Variants in SH3D19 observed in about 807,000 individuals in gnomAD.
SH3D19 encodes the protein SH3 domain-containing protein 19.
A neutral mutation model predicts 112.1 loss-of-function variants in SH3D19; 58 were observed. That is an observed-to-expected ratio of 0.52 (90% CI 0.42 to 0.64). The LOEUF is 0.64. Among genes scored for constraint, SH3D19 ranks in the 30% least tolerant of loss-of-function variants. The probability of loss-of-function intolerance (pLI) is 0.00; values close to 1 mark genes in which losing one functional copy is unlikely to be tolerated. For synonymous variants in SH3D19, 391 were observed against 448.5 expected (o/e 0.87, Z 1.62); for missense variants, 1,090 against 1,263.4 (o/e 0.86, Z 2.08).
chr4:151,147,290 T>C (rs960872966), intron 11 of SH3D19, among the ~76,000 whole-genome samples: 1 of 152,164 alleles, frequency 6.6e-6, no homozygotes, highest in Non-Finnish European at 1.5e-5. Context: ...AAACAAAAGA[T>C]ATAAACTATA....
chr4:151,291,853 CT>C (rs1272859800), intron 1 of SH3D19, among the ~76,000 whole-genome samples: 1 of 152,136 alleles, frequency 6.6e-6, no homozygotes, highest in Non-Finnish European at 1.5e-5. Flanking sequence ...TATTTCTCAC[CT>C]TCTCTATTAT....
At chr4:151,306,397 G>T (rs540610735) in intron 1 of SH3D19, among the ~76,000 whole-genome samples, 1 of 152,236 alleles carries the variant, frequency 6.6e-6, no homozygotes, top group Admixed American at 6.5e-5. Context: ...CTGCCTTCCA[G>T]GATTGTTAGG....
intron 3 of SH3D19, among the ~76,000 whole-genome samples, chr4:151,185,079 A>C: frequency 7.1e-5 from 6 of 84,928 alleles, no homozygotes; most frequent in Admixed American, 1.6e-4. Flanking sequence ...AACTCTGACC[A>C]TTCCTTTTAA....
At chr4:151,259,892 C>T (rs1047653875) in intron 1 of SH3D19, among the ~76,000 whole-genome samples, 9 of 152,092 alleles carry the variant, frequency 5.9e-5, no homozygotes, top group Non-Finnish European at 8.8e-5. Context: ...TTCCTCAATT[C>T]GAAGCCTCTA....
At chr4:151,123,264 C>T (rs1328249291) in intron 19 of SH3D19, among the ~76,000 whole-genome samples, 8 of 152,224 alleles carry the variant, frequency 5.3e-5, no homozygotes. Flanking sequence ...GGATTCAAAT[C>T]TAGTGCAATT....
chr4:151,136,006 C>T (rs1014264936), intron 14 of SH3D19, among the ~76,000 whole-genome samples: 2 of 152,060 alleles, frequency 1.3e-5, no homozygotes, highest in African/African-American at 4.8e-5. Context: ...CAAAACAAAA[C>T]AAAACAAAAC....
intron 1 of SH3D19, among the ~76,000 whole-genome samples, chr4:151,245,338 G>C (rs779819705): frequency 3.3e-5 from 5 of 151,750 alleles, no homozygotes; most frequent in Non-Finnish European, 5.9e-5. Flanking sequence ...AGGGGAAAAA[G>C]TGAGGAGACA....
At position 151,303,804 on chromosome 4, in the gene SH3D19, C is replaced by G. The variant is rs192543683; in HGVS notation, c.112+21437G>C. ...GAAAAGTAAGCTGCCCATTCAAGGT[C>G]TGAATGAGGGGTTTGAGCCCAGCAC... is the stretch of plus-strand genomic sequence containing the variant. On this transcript the variant is annotated intron_variant, in intron 1 of 19. Coordinates refer to ENST00000604030, the MANE Select transcript of SH3D19 (RefSeq NM_001378122.1). Among the ~76,000 whole-genome samples, 6 of 152,202 alleles carry G rather than the reference C, an allele frequency of 3.9e-5. No individual in the cohort carries two copies. In the South Asian group the frequency reaches 6.2e-4, roughly 16 times the overall value.
At chr4:151,282,976 C>A in intron 1 of SH3D19, 1 of 641,982 alleles carries the variant, frequency 1.6e-6, no homozygotes, top group South Asian at 2.8e-5. Flanking sequence ...CCAAAAGATC[C>A]ACCCATAAGC....
chr4:151,196,087 C>T (rs959055055), intron 2 of SH3D19, among the ~76,000 whole-genome samples: 1 of 152,098 alleles, frequency 6.6e-6, no homozygotes, highest in African/African-American at 2.4e-5. Context: ...TGGCAGGGGA[C>T]ACTGCCTGGC....
At chr4:151,234,740 T>G (rs113305169) in intron 1 of SH3D19, among the ~76,000 whole-genome samples, 53,018 of 74,814 alleles carry the variant, frequency 0.71, 20,495 homozygotes, top group Non-Finnish European at 0.82. Context: ...TTTGTGTTTT[T>G]TTTTTTTTTT....
chr4:151,244,192 A>G (rs1770761176), intron 1 of SH3D19, among the ~76,000 whole-genome samples: 2 of 136,392 alleles, frequency 1.5e-5, no homozygotes, highest in African/African-American at 2.6e-5. Context: ...GAATCTTCCC[A>G]CATCTCAAAC....
In SH3D19 at chr4:151,290,998, C is replaced by T. The variant is rs965296957; in HGVS notation, c.112+34243G>A. 3 of 677,452 alleles carry T rather than the reference C, an allele frequency of 4.4e-6. No individual in the cohort carries two copies. In the African/African-American group the frequency reaches 5.4e-5, roughly 12 times the overall value. 42.0% of individuals were successfully genotyped at this position (677,452 alleles called of 1,614,324 possible). Reference sequence around the variant, plus strand: ...AAGCAGTGATTAGTCCAGCCCCCTGCAGGGTTCCACAGCTCCATGGGTCTC... The same window carrying T: ...AAGCAGTGATTAGTCCAGCCCCCTGTAGGGTTCCACAGCTCCATGGGTCTC... On this transcript the variant is annotated intron_variant, in intron 1 of 19. Transcript: ENST00000604030.
chr4:151,204,958 T>C (rs1764890771), intron 2 of SH3D19, among the ~76,000 whole-genome samples: 1 of 152,020 alleles, frequency 6.6e-6, no homozygotes, highest in Admixed American at 6.6e-5. Flanking sequence ...GTAGCCGGGA[T>C]TACAGGTGCG....
chr4:151,175,027 G>A lies in SH3D19; in HGVS notation c.1177C>T (p.Arg393Ter), dbSNP rs757896312. ...CCCGGAATCTCAGGATTAACACTTC[G>A]TATAAGGCCAGGGTTTGGTTTCTTT... is the stretch of plus-strand genomic sequence containing the variant. The part of the protein sequence containing the change: ...LPKKPNPGLI[R>*]SVNPEIPGRG... Residue 393 changes from arginine to a stop codon, truncating the protein, a stop_gained, in exon 7 of 20, where the codon CGA (arginine) becomes TGA (stop). Transcript: ENST00000604030. LOFTEE classifies it high-confidence loss of function. 7 of 1,614,186 alleles carry A rather than the reference G, an allele frequency of 4.3e-6. No individual in the cohort carries two copies. Among genetic ancestry groups the A allele is most frequent in the Middle Eastern group, 1.6e-4 (1 of 6,062 alleles).
At chr4:151,179,143 A>G (rs1454407163) in intron 4 of SH3D19, among the ~76,000 whole-genome samples, 1 of 152,224 alleles carries the variant, frequency 6.6e-6, no homozygotes, top group Non-Finnish European at 1.5e-5. Flanking sequence ...ATAAATAACT[A>G]TACTCAAAAG....
intron 1 of SH3D19, among the ~76,000 whole-genome samples, chr4:151,247,505 C>A (rs1182664604): frequency 1.3e-5 from 2 of 152,158 alleles, no homozygotes; most frequent in Non-Finnish European, 2.9e-5. Context: ...TAAACAGATT[C>A]TTACATATAA....
intron 1 of SH3D19, among the ~76,000 whole-genome samples, chr4:151,283,945 AT>A (rs1774495609): frequency 6.6e-6 from 1 of 152,180 alleles, no homozygotes; most frequent in Non-Finnish European, 1.5e-5. Flanking sequence ...CATTATTTGC[AT>A]CGTCATTCCA....
chr4:151,307,017 C>CT (rs750863632), intron 1 of SH3D19, among the ~76,000 whole-genome samples: 37,152 of 122,902 alleles, frequency 0.3, 6,408 homozygotes, highest in East Asian at 0.46. Context: ...ATGATGACTT[C>CT]TTTTTTTTTT....
Sources: gnomAD v4.1 joint callset for allele counts (sites outside exome capture counted in the v4.1 genomes callset) on GRCh38, gnomAD v4.1.1 for gene constraint, MANE v1.5 for transcripts, NCBI Gene and HGNC (gene_info 2026-07-23, HGNC 2026-07-21) for gene names.